Variants in EXOC4 observed in about 807,000 individuals in gnomAD.
EXOC4 encodes SEC8-like 1.
EXOC4 carries 71 observed loss-of-function variants against 107.2 expected under a neutral mutation model. That is an observed-to-expected ratio of 0.66 (90% CI 0.55 to 0.81). EXOC4 has a LOEUF of 0.81. EXOC4 is among the 30% of genes least tolerant of loss of function. EXOC4 has a pLI of 0.00. For synonymous variants in EXOC4, 456 were observed against 441.2 expected, an observed-to-expected ratio of 1.03 and a Z score of -0.42; for missense variants, 1,108 against 1,189.6, an observed-to-expected ratio of 0.93 and a Z score of 1.01.
At chr7:133,277,692 C>A (rs1778672160) in intron 2 of EXOC4, among the ~76,000 whole-genome samples, 2 of 152,026 alleles carry the variant, frequency 1.3e-5, no homozygotes, top group African/African-American at 4.8e-5. Context: ...GAATTAGCTT[C>A]AATATTGGGT....
chr7:133,262,166 T>C (rs1795168901), intron 1 of EXOC4, among the ~76,000 whole-genome samples: 3 of 152,318 alleles, frequency 2.0e-5, no homozygotes, highest in South Asian at 4.1e-4. Context: ...CTATTTTGGA[T>C]TGCATCTTCT....
intron 7 of EXOC4, among the ~76,000 whole-genome samples, chr7:133,469,930 AAC>A (rs1269751286): frequency 6.6e-6 from 1 of 152,214 alleles, no homozygotes; most frequent in African/African-American, 2.4e-5. Flanking sequence ...TGTATTCCCC[AAC>A]ACATTCCTGA....
intron 3 of EXOC4, among the ~76,000 whole-genome samples, chr7:133,304,371 G>A (rs1301355193): frequency 2.0e-5 from 3 of 152,176 alleles, no homozygotes; most frequent in Non-Finnish European, 4.4e-5. Flanking sequence ...AGCTTGCTCT[G>A]GGCCCAGGGG....
intron 17 of EXOC4, among the ~76,000 whole-genome samples, chr7:134,027,694 G>A (rs1047258687): frequency 2.0e-5 from 3 of 149,580 alleles, no homozygotes; most frequent in Admixed American, 1.3e-4. Flanking sequence ...AGCTGACTTT[G>A]TAGTTCTCAT....
At chr7:133,513,257 C>A (rs1465640533) in intron 9 of EXOC4, among the ~76,000 whole-genome samples, 1 of 152,030 alleles carries the variant, frequency 6.6e-6, no homozygotes, top group Admixed American at 6.5e-5. Context: ...TTGGTAGAAA[C>A]AGGGTTTCAC....
At position 133,602,100 on chromosome 7, in the gene EXOC4, A is replaced by G. The variant is rs556031398; in HGVS notation, c.1418-27945A>G. 1.1e-4 allele frequency: 17 copies of G among 152,350 alleles called. 1 individual carries two copies. In the East Asian group the frequency reaches 3.1e-3, roughly 28 times the overall value. The allele number at this position is 152,350 out of a possible 1,614,324, so 9.4% of individuals were successfully genotyped here. A position where few individuals can be genotyped will look rare whatever the true frequency, so the allele number is the denominator to read the frequency against. On this transcript the variant is annotated intron_variant, in intron 9 of 17. Transcript: ENST00000253861. ...GCAGTGTATGTGTGTGTATGTTTGT[A>G]AAAATATACAACTCCAAATAGAGAG...
At position 134,007,796 on chromosome 7, in the gene EXOC4, A is replaced by G. The variant is rs200052598; in HGVS notation, c.2648A>G (p.Asn883Ser). Residue 883 changes from asparagine to serine, a missense_variant, in exon 17 of 18, where the codon AAC (asparagine) becomes AGC (serine). Transcript: ENST00000253861. ...NIFVLQQNLT[N>S]ITMSREADLD... is the part of the protein sequence containing the mutation. The stretch of plus-strand genomic sequence containing the variant: ...TTTGTTCTTCAGCAGAATTTGACCA[A>G]CATCACCATGTCGCGGGAGGCAGAC... 3 of 1,613,620 alleles carry G rather than the reference A, an allele frequency of 1.9e-6. No individual in the cohort carries two copies. The highest frequency in any genetic ancestry group is 2.5e-6 in the Non-Finnish European group (3 of 1,179,718).
intron 17 of EXOC4, among the ~76,000 whole-genome samples, chr7:134,024,522 T>C (rs111522302): frequency 6.6e-6 from 1 of 152,142 alleles, no homozygotes; most frequent in Non-Finnish European, 1.5e-5. Flanking sequence ...ATCAAGAAGC[T>C]CTGTCTTTTG....
intron 10 of EXOC4, among the ~76,000 whole-genome samples, chr7:133,668,341 C>T (rs1311957605): frequency 6.6e-6 from 1 of 152,158 alleles, no homozygotes; most frequent in African/African-American, 2.4e-5. Context: ...TTTGCCTAAT[C>T]GCCTGTTTTC....
At chr7:133,492,173 G>A (rs535243430) in intron 9 of EXOC4, among the ~76,000 whole-genome samples, 3 of 152,284 alleles carry the variant, frequency 2.0e-5, no homozygotes, top group South Asian at 4.1e-4. Flanking sequence ...TGTAGACAAA[G>A]AGGCAAGTTT....
intron 7 of EXOC4, among the ~76,000 whole-genome samples, chr7:133,436,409 A>C (rs748836935): frequency 2.7e-4 from 41 of 152,116 alleles, no homozygotes; most frequent in Non-Finnish European, 4.9e-4. Flanking sequence ...AAAACTAATA[A>C]ATGATGAAAC....
intron 10 of EXOC4, among the ~76,000 whole-genome samples, chr7:133,652,810 A>G (rs1163081423): frequency 6.6e-6 from 1 of 152,234 alleles, no homozygotes; most frequent in Non-Finnish European, 1.5e-5. Flanking sequence ...AGTTTTACTT[A>G]CAAATAGAGA....
At chr7:134,054,986 T>C (rs1795888848) in intron 17 of EXOC4, among the ~76,000 whole-genome samples, 2 of 152,232 alleles carry the variant, frequency 1.3e-5, no homozygotes, top group African/African-American at 4.8e-5. Context: ...TTTGTAGCTT[T>C]GGTTTATTTA....
At chr7:133,812,234 G>T (rs747962582) in intron 10 of EXOC4, among the ~76,000 whole-genome samples, 7 of 152,144 alleles carry the variant, frequency 4.6e-5, no homozygotes, top group South Asian at 2.1e-4. Flanking sequence ...TCTAAAAACC[G>T]CAGCAGCACC....
chr7:133,292,253 A>C (rs920639309), intron 3 of EXOC4, among the ~76,000 whole-genome samples: 11 of 152,216 alleles, frequency 7.2e-5, no homozygotes, highest in Non-Finnish European at 1.3e-4. Flanking sequence ...CTGAGGCTGG[A>C]GAATCACTTG....
At chr7:133,703,559 C>T (rs369652354) in intron 10 of EXOC4, among the ~76,000 whole-genome samples, 8 of 152,178 alleles carry the variant, frequency 5.3e-5, no homozygotes, top group African/African-American at 1.2e-4. Context: ...TTTGTGAAAC[C>T]GATCAGAAGA....
At chr7:133,620,578 ATAAAT>A (rs1468290166) in intron 9 of EXOC4, among the ~76,000 whole-genome samples, 7 of 152,200 alleles carry the variant, frequency 4.6e-5, no homozygotes. Context: ...TGATAAATGG[ATAAAT>A]TAAATGTGGT....
intron 14 of EXOC4, among the ~76,000 whole-genome samples, chr7:133,963,242 G>A (rs1422944604): frequency 6.6e-6 from 1 of 152,250 alleles, no homozygotes; most frequent in Non-Finnish European, 1.5e-5. Context: ...TGGTGGGGCA[G>A]AGGGGAGGCA....
intron 17 of EXOC4, among the ~76,000 whole-genome samples, chr7:134,023,785 TA>T (rs2116437622): frequency 6.6e-6 from 1 of 152,232 alleles, no homozygotes; most frequent in African/African-American, 2.4e-5. Flanking sequence ...CAAAAGAACT[TA>T]AAGGAGGGAT....
Sources: gnomAD v4.1 joint callset for allele counts (sites outside exome capture counted in the v4.1 genomes callset) on GRCh38, gnomAD v4.1.1 for gene constraint, MANE v1.5 for transcripts, NCBI Gene and HGNC (gene_info 2026-07-23, HGNC 2026-07-21) for gene names.